USP32: variants seen among roughly 807,000 people sequenced by gnomAD.
USP32 encodes the protein ubiquitin specific peptidase 32, also known as ubiquitin carboxyl-terminal hydrolase 32.
In USP32, 59 loss-of-function variants were observed where a neutral mutation model predicts 204.8. The ratio of observed to expected loss-of-function variants is 0.29; its 90% CI spans 0.23 to 0.36. The LOEUF (loss-of-function observed/expected upper bound fraction) is 0.36. USP32 is among the 10% of genes least tolerant of loss of function. The pLI is 1.00. For missense variants in USP32, 1,160 were observed against 1,946.4 expected (o/e 0.60, Z 7.60); for synonymous variants, 517 against 678.4 (o/e 0.76, Z 3.70).
chr17:60,350,043 T>A (rs2088912888), intron 1 of USP32, among the ~76,000 whole-genome samples: 1 of 151,710 alleles, frequency 6.6e-6, no homozygotes, highest in African/African-American at 2.4e-5. Context: ...AGACGGGATC[T>A]CACTCTGTCA....
intron 2 of USP32, among the ~76,000 whole-genome samples, chr17:60,319,733 T>G (rs1295423066): frequency 6.6e-6 from 1 of 152,078 alleles, no homozygotes; most frequent in Non-Finnish European, 1.5e-5. Context: ...TGAGCCAAGA[T>G]AGCGCCACTG....
At chr17:60,288,022 G>A (rs2087163309) in intron 5 of USP32, among the ~76,000 whole-genome samples, 1 of 148,656 alleles carries the variant, frequency 6.7e-6, no homozygotes, top group African/African-American at 2.5e-5. Context: ...GCTGAGGCAG[G>A]AGAATGGCGT....
intron 2 of USP32, among the ~76,000 whole-genome samples, chr17:60,305,966 C>T: frequency 6.6e-6 from 1 of 152,102 alleles, no homozygotes; most frequent in South Asian, 2.1e-4. Context: ...GAGGAAGCCC[C>T]CAAAAATCAC....
At chr17:60,288,737 G>A in intron 4 of USP32, 55 bp from the exon 5 acceptor site, 1 of 1,491,290 alleles carries the variant, frequency 6.7e-7, no homozygotes, top group South Asian at 1.3e-5. Context: ...TATCTTACTT[G>A]GAACCTGCAC....
chr17:60,393,497 G>A (rs1163180892), upstream of USP32, among the ~76,000 whole-genome samples: 3 of 152,056 alleles, frequency 2.0e-5, no homozygotes, highest in Admixed American at 2.0e-4. Context: ...TTTAGTTTGC[G>A]TCTTCAACCT....
intron 1 of USP32, among the ~76,000 whole-genome samples, chr17:60,400,033 C>T (rs547347045): frequency 2.6e-5 from 4 of 151,012 alleles, no homozygotes; most frequent in Non-Finnish European, 5.9e-5. Context: ...AGTGTGATCT[C>T]GGCTCACTGC....
chr17:60,222,486 C>G lies in USP32; in HGVS notation c.1672G>C (p.Asp558His). Residue 558 changes from aspartate to histidine, a missense_variant, in exon 15 of 34, where the codon GAC (aspartate) becomes CAC (histidine). Coordinates refer to ENST00000300896, the MANE Select transcript of USP32 (RefSeq NM_032582.4). ...KRTPQLIHGR[D>H]YEMVPEPVWR... ...ACAGGTTCTGGGACCATTTCATAGT[C>G]TCTTCCATGAATCAGCTGTGGAGTT... is the stretch of plus-strand genomic sequence containing the variant. The G allele has an allele frequency of 6.2e-7, 1 of 1,614,184 alleles. No homozygotes were observed. The highest frequency in any genetic ancestry group is 8.5e-7 in the Non-Finnish European group (1 of 1,180,028).
intron 5 of USP32, among the ~76,000 whole-genome samples, chr17:60,273,745 G>C (rs1340716516): frequency 6.6e-6 from 1 of 152,090 alleles, no homozygotes; most frequent in Non-Finnish European, 1.5e-5. Flanking sequence ...GATCACTTGA[G>C]GTCAGGAGTT....
chr17:60,368,679 G>A (rs1306127357), intron 1 of USP32, among the ~76,000 whole-genome samples: 1 of 151,990 alleles, frequency 6.6e-6, no homozygotes, highest in African/African-American at 2.4e-5. Flanking sequence ...AGTAAGTCCA[G>A]GGGTTTATGT....
In USP32 at chr17:60,344,128, A is replaced by ATGTT. The variant is rs1555617234; in HGVS notation, c.186+1352_186+1353insAACA. Among the ~76,000 whole-genome samples, 1,190 of 131,164 alleles carry ATGTT rather than the reference A, an allele frequency of 9.1e-3. 29 individuals are homozygous for ATGTT. The highest frequency in any genetic ancestry group is 0.034 in the African/African-American group (1,146 of 33,684). 86.0% of individuals were successfully genotyped at this position (131,164 alleles called of 152,430 possible). ...ATAATATACCAAGCCTAAAATTCCTATTTTTTTTTTTTTTTTTTGAGTCAG... is the reference window on the plus strand; with the variant it reads ...ATAATATACCAAGCCTAAAATTCCTATGTTTTTTTTTTTTTTTTTTTTGAGTCAG... On this transcript the variant is annotated intron_variant, in intron 2 of 33. Coordinates refer to ENST00000300896, the MANE Select transcript of USP32 (RefSeq NM_032582.4).
At chr17:60,349,161 ATAAT>A (rs1905281592) in intron 1 of USP32, among the ~76,000 whole-genome samples, 1 of 150,612 alleles carries the variant, frequency 6.6e-6, no homozygotes, top group African/African-American at 2.4e-5. Flanking sequence ...ATATTACAAT[ATAAT>A]TAATCTAATA....
intron 12 of USP32, among the ~76,000 whole-genome samples, chr17:60,227,694 T>G (rs1044839592): frequency 2.6e-5 from 4 of 152,032 alleles, no homozygotes; most frequent in Non-Finnish European, 4.4e-5. Flanking sequence ...ATTAAAGGCG[T>G]GAGCCACTGT....
At chr17:60,368,991 A>ATTTTTTTTTTTTTTTTTTTTTTTTT (rs758528054) in intron 1 of USP32, among the ~76,000 whole-genome samples, 1 of 114,130 alleles carries the variant, frequency 8.8e-6, no homozygotes, top group Non-Finnish European at 1.6e-5. Flanking sequence ...TTTTTAAAAG[A>ATTTTTTTTTTTTTTTTTTTTTTTTT]TTTTTTTTTT....
chr17:60,338,121 C>T (rs2088567768), intron 2 of USP32, among the ~76,000 whole-genome samples: 1 of 151,956 alleles, frequency 6.6e-6, no homozygotes, highest in African/African-American at 2.4e-5. Context: ...CCCAAAAGAT[C>T]AAGCCCAGCC....
chr17:60,412,054 T>C (rs2090022896), intron 1 of USP32, among the ~76,000 whole-genome samples: 2 of 152,078 alleles, frequency 1.3e-5, no homozygotes, highest in Non-Finnish European at 2.9e-5. Flanking sequence ...AATAATCAGC[T>C]CTGATGAGCC....
chr17:60,256,832 G>C, intron 9 of USP32: 2 of 968,510 alleles, frequency 2.1e-6, no homozygotes, highest in South Asian at 1.7e-5. Context: ...TTCTGGATTG[G>C]GCCAGTCAAC....
intron 1 of USP32, among the ~76,000 whole-genome samples, chr17:60,380,692 G>A (rs2089632514): frequency 6.6e-6 from 1 of 152,070 alleles, no homozygotes; most frequent in African/African-American, 2.4e-5. Context: ...TAAATTACAT[G>A]GGAGAAAAAA....
chr17:60,264,412 A>G (rs1331674072), intron 9 of USP32, among the ~76,000 whole-genome samples: 2 of 151,500 alleles, frequency 1.3e-5, no homozygotes, highest in Non-Finnish European at 2.9e-5. Context: ...CAGCTACTCG[A>G]AAGGCTGAGG....
At chr17:60,292,820 C>CA (rs1459296799) in intron 4 of USP32, among the ~76,000 whole-genome samples, 1 of 151,478 alleles carries the variant, frequency 6.6e-6, no homozygotes, top group African/African-American at 2.4e-5. Flanking sequence ...CTCCTCTACT[C>CA]AAAACCTTCC....
Sources: gnomAD v4.1 joint callset for allele counts (sites outside exome capture counted in the v4.1 genomes callset) on GRCh38, gnomAD v4.1.1 for gene constraint, MANE v1.5 for transcripts, NCBI Gene and HGNC (gene_info 2026-07-23, HGNC 2026-07-21) for gene names.